BCAS3: variants seen among roughly 807,000 people sequenced by gnomAD.
BCAS3 encodes BCAS4/BCAS3 fusion.
In BCAS3, 53 loss-of-function variants were observed where a neutral mutation model predicts 116.1. The ratio of observed to expected loss-of-function variants is 0.46; its 90% confidence interval spans 0.37 to 0.57. BCAS3 has a LOEUF of 0.57. Among genes scored for constraint, BCAS3 ranks in the 20% least tolerant of loss-of-function variants. The probability of loss-of-function intolerance (pLI) is 0.00; values close to 1 mark genes in which losing one functional copy is unlikely to be tolerated. For synonymous variants in BCAS3, 391 were observed against 408.2 expected (o/e 0.96, Z 0.51); for missense variants, 917 against 1,165.4 (o/e 0.79, Z 3.10).
At chr17:60,801,948 A>T (rs974947017) in intron 6 of BCAS3, among the ~76,000 whole-genome samples, 1 of 152,026 alleles carries the variant, frequency 6.6e-6, no homozygotes, top group Non-Finnish European at 1.5e-5. Flanking sequence ...GTGTGTAAAA[A>T]TGCTCTTTTC....
intron 6 of BCAS3, among the ~76,000 whole-genome samples, chr17:60,760,576 C>T (rs8078216): frequency 0.27 from 40,747 of 151,540 alleles, 11,261 homozygotes; most frequent in African/African-American, 0.71. Flanking sequence ...CTGAGAAATC[C>T]GCTGTTGGCT....
rs2081455495 is a variant in BCAS3, at chr17:61,211,509, A to C, written c.2425+126945A>C. On this transcript the variant is annotated intron_variant, in intron 22 of 23. Coordinates refer to ENST00000407086, the MANE Select transcript of BCAS3 (RefSeq NM_017679.5). This position sits in a 1 kb window ranked among gnomAD's most constrained non-coding sequence, Gnocchi z 4.4. Reference sequence around the variant, plus strand: ...ATTTAAAGTGAGTGTTGCTCCACCTAAGAGCTGTTGGCTGAAAAAAGCACT... The same window carrying C: ...ATTTAAAGTGAGTGTTGCTCCACCTCAGAGCTGTTGGCTGAAAAAAGCACT... Among the ~76,000 whole-genome samples, 1 of 152,144 alleles carries C rather than the reference A, an allele frequency of 6.6e-6. No homozygotes were observed. Among genetic ancestry groups the C allele is most frequent in the South Asian group, 2.1e-4 (1 of 4,832 alleles).
chr17:61,039,465 T>TAGGC (rs1195198356), intron 18 of BCAS3, among the ~76,000 whole-genome samples: 3 of 152,098 alleles, frequency 2.0e-5, no homozygotes, highest in South Asian at 4.2e-4. Context: ...CTCTGTCACC[T>TAGGC]AGGCTGGAGT....
chr17:61,064,876 A>C (rs2070450623), intron 19 of BCAS3, among the ~76,000 whole-genome samples: 1 of 152,124 alleles, frequency 6.6e-6, no homozygotes, highest in Admixed American at 6.5e-5. Flanking sequence ...GTTCCCCTTT[A>C]TGTATTGTTG....
chr17:61,380,014 G>A lies in BCAS3; in HGVS notation c.2593+11520G>A, dbSNP rs2059531940. 1.2e-5 allele frequency: 2 copies of A among 160,006 alleles called. No individual in the cohort carries two copies. The highest frequency in any genetic ancestry group is 4.8e-5 in the African/African-American group (2 of 41,520). The allele number at this position is 160,006 out of a possible 1,614,324, so 9.9% of individuals were successfully genotyped here. The stretch of plus-strand genomic sequence containing the variant: ...GCCTTATAAGGCCTGGAGTTTCTCG[G>A]TTTCATGCGTTATCCATCCCCGACC... On this transcript the variant is annotated intron_variant, in intron 23 of 23. Coordinates refer to ENST00000407086, the MANE Select transcript of BCAS3 (RefSeq NM_017679.5). This position sits in a 1 kb window ranked among gnomAD's most constrained non-coding sequence, Gnocchi z 4.2.
At chr17:60,717,237 A>G (rs1004242858) in intron 5 of BCAS3, among the ~76,000 whole-genome samples, 19 of 141,002 alleles carry the variant, frequency 1.3e-4, no homozygotes, top group Non-Finnish European at 2.4e-4. Flanking sequence ...TTTTTGTGAG[A>G]CAGAGTCTCT....
chr17:60,855,601 T>G (rs566121977), intron 7 of BCAS3, among the ~76,000 whole-genome samples: 10 of 151,520 alleles, frequency 6.6e-5, no homozygotes, highest in African/African-American at 2.4e-4. Context: ...ACTACAGGTG[T>G]GTGCCACCAC....
intron 22 of BCAS3, among the ~76,000 whole-genome samples, chr17:61,172,434 C>G (rs1443386469): frequency 6.6e-6 from 1 of 150,998 alleles, no homozygotes; most frequent in Non-Finnish European, 1.5e-5. Flanking sequence ...GAGATCGAGA[C>G]CATCCTGGCT....
intron 22 of BCAS3, among the ~76,000 whole-genome samples, chr17:61,166,624 C>A (rs187473338): frequency 6.6e-6 from 1 of 152,116 alleles, no homozygotes. Flanking sequence ...TCTCGAACTC[C>A]TGACCTCAAG....
rs150317954 is a variant in BCAS3 at position 61,281,228 on chromosome 17, T to C, written c.2426-87099T>C. The stretch of plus-strand genomic sequence containing the variant: ...TAGTTTTCCACAATTTATTTCACAA[T>C]GCCTATTGTTGGATGTATAGATGGT... On this transcript the variant is annotated intron_variant, in intron 22 of 23. Transcript: ENST00000407086. This position sits in a 1 kb window ranked among gnomAD's most constrained non-coding sequence, Gnocchi z 4.2. 6.6e-6 allele frequency among the ~76,000 whole-genome samples: 1 copy of C among 152,258 alleles called. No individual in the cohort carries two copies. The highest frequency in any genetic ancestry group is 1.5e-5 in the Non-Finnish European group (1 of 68,048).
At chr17:61,303,097 C>T (rs563584555) in intron 22 of BCAS3, among the ~76,000 whole-genome samples, 16 of 152,308 alleles carry the variant, frequency 1.1e-4, no homozygotes, top group South Asian at 6.2e-4. Context: ...CACTTCAGCC[C>T]TTGTCCTGTG....
chr17:60,717,371 A>T (rs903934171), intron 5 of BCAS3, among the ~76,000 whole-genome samples: 4 of 151,790 alleles, frequency 2.6e-5, no homozygotes, highest in African/African-American at 9.7e-5. Flanking sequence ...ATGCGCCACC[A>T]CGCCTGGGTA....
chr17:60,758,076 T>C (rs1328201893), intron 6 of BCAS3, among the ~76,000 whole-genome samples: 2 of 152,194 alleles, frequency 1.3e-5, no homozygotes, highest in Non-Finnish European at 2.9e-5. Flanking sequence ...AATACATGGA[T>C]TTATTTCTAG....
In BCAS3 at chr17:61,375,077, CCTTT is replaced by C. The variant is rs1332043116; in HGVS notation, c.2593+6588_2593+6591del. Reference sequence around the variant, plus strand: ...ACTTTTATGTACTGAAAGGGCTGCGCCTTTCTTTTTCTCTTGTTAACATAAAAAG... The same window carrying C: ...ACTTTTATGTACTGAAAGGGCTGCGCCTTTTTCTCTTGTTAACATAAAAAG... On this transcript the variant is annotated intron_variant, in intron 23 of 23. Coordinates refer to ENST00000407086, the MANE Select transcript of BCAS3 (RefSeq NM_017679.5). Among the ~76,000 whole-genome samples, 4 of 152,318 alleles carry C rather than the reference CCTTT, an allele frequency of 2.6e-5. No individual in the cohort carries two copies. The East Asian group carries it at 7.7e-4, about 29-fold the overall frequency.
chr17:60,799,861 G>A (rs1162851645), intron 6 of BCAS3, among the ~76,000 whole-genome samples: 1 of 151,580 alleles, frequency 6.6e-6, no homozygotes, highest in African/African-American at 2.4e-5. Context: ...ACCGTGCCTG[G>A]CTGAGATTAG....
Position 61,220,757 on chromosome 17 carries a change from G to T in BCAS3, c.2425+136193G>T, listed in dbSNP as rs1419439052. Among the ~76,000 whole-genome samples, 1 of 152,188 alleles carries T rather than the reference G, an allele frequency of 6.6e-6. No homozygotes were observed. The highest frequency in any genetic ancestry group is 2.4e-5 in the African/African-American group (1 of 41,456). On this transcript the variant is annotated intron_variant, in intron 22 of 23. Transcript: ENST00000407086. The surrounding 1 kb of genome is among the most constrained non-coding windows in gnomAD (Gnocchi z 4.5). ...GGTTGTTGGTGTGATACAAGAACTT[G>T]GTCTAATCAGGAGGAGCCTCTGAGG... is the stretch of plus-strand genomic sequence containing the variant.
At position 61,302,992 on chromosome 17, in the gene BCAS3, G is replaced by A. The variant is rs147929893; in HGVS notation, c.2426-65335G>A. ...TTCAAAGCAAAAGATAGTTGAGGCAGCTCAACTTGTGATGAGTTCCCCTGT... is the reference window on the plus strand; with the variant it reads ...TTCAAAGCAAAAGATAGTTGAGGCAACTCAACTTGTGATGAGTTCCCCTGT... On this transcript the variant is annotated intron_variant, in intron 22 of 23. Coordinates refer to ENST00000407086, the MANE Select transcript of BCAS3 (RefSeq NM_017679.5). The surrounding 1 kb of genome is among the most constrained non-coding windows in gnomAD (Gnocchi z 4.4). Among the ~76,000 whole-genome samples the A allele has an allele frequency of 6.6e-6, 1 of 152,154 alleles. No individual in the cohort carries two copies. The highest frequency in any genetic ancestry group is 1.5e-5 in the Non-Finnish European group (1 of 68,030).
chr17:60,835,201 G>A (rs1002896716), intron 7 of BCAS3, among the ~76,000 whole-genome samples: 1 of 151,680 alleles, frequency 6.6e-6, no homozygotes, highest in African/African-American at 2.4e-5. Flanking sequence ...TAATATTTTT[G>A]CTATTAAAGC....
intron 21 of BCAS3, among the ~76,000 whole-genome samples, chr17:61,081,721 A>G (rs1360320092): frequency 2.6e-5 from 4 of 152,128 alleles, no homozygotes; most frequent in Non-Finnish European, 5.9e-5. Context: ...CCTTTTTAGT[A>G]CCACCATTTC....
Sources: allele counts gnomAD v4.1 joint callset (sites outside exome capture counted in the v4.1 genomes callset), GRCh38; gene constraint gnomAD v4.1.1; non-coding constraint Gnocchi (gnomAD v3.1); transcripts MANE v1.5; gene names NCBI Gene and HGNC (gene_info 2026-07-23, HGNC 2026-07-21).